Variants in ABCB11 observed in about 807,000 individuals in gnomAD.
ABCB11 encodes bile salt export pump.
Under a neutral mutation model 148.0 loss-of-function variants are expected in ABCB11, and 95 were observed. That is an observed-to-expected ratio of 0.64 (90% CI 0.54 to 0.76). The LOEUF (loss-of-function observed/expected upper bound fraction) is 0.76. Among genes scored for constraint, ABCB11 ranks in the 30% least tolerant of loss-of-function variants. The pLI is 0.00. For synonymous variants in ABCB11, 591 were observed against 555.4 expected, an observed-to-expected ratio of 1.06 and a Z score of -0.90; for missense variants, 1,523 against 1,617.8, an observed-to-expected ratio of 0.94 and a Z score of 1.01.
chr2:168,930,439 TA>T (rs1295636600), intron 25 of ABCB11, among the ~76,000 whole-genome samples: 1 of 152,234 alleles, frequency 6.6e-6, no homozygotes, highest in African/African-American at 2.4e-5. Flanking sequence ...TTTCTTTGCC[TA>T]ACTGGTCAGC....
chr2:168,998,131 T>C (rs1694771098), intron 5 of ABCB11, among the ~76,000 whole-genome samples: 1 of 152,046 alleles, frequency 6.6e-6, no homozygotes, highest in Non-Finnish European at 1.5e-5. Flanking sequence ...GCTAAATATC[T>C]CTGAACAGAG....
At chr2:168,930,269 A>G (rs548675652) in intron 25 of ABCB11, among the ~76,000 whole-genome samples, 1 of 152,108 alleles carries the variant, frequency 6.6e-6, no homozygotes, top group Admixed American at 6.5e-5. Flanking sequence ...TTTCATGCTA[A>G]CTCTCCTTTC....
rs1691169756 is a variant in ABCB11, at chr2:168,923,660, A to C, written c.3928T>G (p.Tyr1310Asp). The part of the protein sequence containing the change: ...HEELMAQKGA[Y>D]YKLVTTGSPI... ...GATCCAGTGGTGACTAGTTTGTAGT[A>C]GGCTCCTTTTTGGGCCATCAGTTCT... The change falls in exon 28 of 28, where the codon TAC (tyrosine) becomes GAC (aspartate). Residue 1310 changes from tyrosine (Y) to aspartate (D), a missense_variant. Coordinates refer to ENST00000650372, the MANE Select transcript of ABCB11 (RefSeq NM_003742.4). The C allele has an allele frequency of 6.2e-7, 1 of 1,613,570 alleles. No individual in the cohort carries two copies. The highest frequency in any genetic ancestry group is 1.3e-5 in the African/African-American group (1 of 74,822).
At chr2:168,936,461 C>T (rs764489425) in intron 21 of ABCB11, 28 bp from the exon 22 acceptor site, 27 of 1,609,030 alleles carry the variant, frequency 1.7e-5, no homozygotes, top group Non-Finnish European at 2.1e-5. Flanking sequence ...ATCAACCCGT[C>T]TCAGACACAC....
intron 21 of ABCB11, among the ~76,000 whole-genome samples, chr2:168,937,403 T>C (rs1194808953): frequency 6.6e-6 from 1 of 152,222 alleles, no homozygotes; most frequent in Non-Finnish European, 1.5e-5. Flanking sequence ...GGTAGTCCCC[T>C]GTTCAAAAAG....
At chr2:169,003,291 T>A (rs1694928454) in intron 5 of ABCB11, among the ~76,000 whole-genome samples, 1 of 151,428 alleles carries the variant, frequency 6.6e-6, no homozygotes, top group South Asian at 2.1e-4. Flanking sequence ...ATTATTGCAT[T>A]CCTTTTTATG....
intron 25 of ABCB11, among the ~76,000 whole-genome samples, chr2:168,930,398 C>T (rs571087585): frequency 6.6e-6 from 1 of 152,338 alleles, no homozygotes; most frequent in South Asian, 2.1e-4. Flanking sequence ...CTATTAAATA[C>T]ACTCATCTCC....
intron 11 of ABCB11, 29 bp downstream of exon 11, chr2:168,979,837 A>C: frequency 7.3e-7 from 1 of 1,376,550 alleles, no homozygotes; most frequent in Non-Finnish European, 1.0e-6. Context: ...CCCACCTGTT[A>C]ATGGCCTTTA....
At chr2:168,925,016 G>A (rs1691241150) in intron 26 of ABCB11, among the ~76,000 whole-genome samples, 1 of 151,898 alleles carries the variant, frequency 6.6e-6, no homozygotes, top group Non-Finnish European at 1.5e-5. Flanking sequence ...GGAAGCAAGG[G>A]GACATTATTC....
intron 1 of ABCB11, among the ~76,000 whole-genome samples, chr2:169,022,278 A>G (rs1695562388): frequency 6.6e-6 from 1 of 152,022 alleles, no homozygotes; most frequent in African/African-American, 2.4e-5. Context: ...AGTAGAAAGG[A>G]TATATCAATT....
chr2:168,940,223 G>A (rs1276473408), intron 21 of ABCB11, among the ~76,000 whole-genome samples: 1 of 152,034 alleles, frequency 6.6e-6, no homozygotes, highest in Non-Finnish European at 1.5e-5. Flanking sequence ...TAGGCTAAAA[G>A]TTAGGCCTCA....
intron 10 of ABCB11, among the ~76,000 whole-genome samples, chr2:168,985,193 T>C (rs948279562): frequency 3.3e-5 from 5 of 152,050 alleles, no homozygotes; most frequent in African/African-American, 9.7e-5. Context: ...AAAACCACAA[T>C]GTGATACCAC....
intron 21 of ABCB11, among the ~76,000 whole-genome samples, chr2:168,940,405 G>A (rs1380691765): frequency 6.6e-6 from 1 of 152,110 alleles, no homozygotes; most frequent in East Asian, 1.9e-4. Context: ...GAATGGTCTG[G>A]AGACAAGATC....
intron 25 of ABCB11, among the ~76,000 whole-genome samples, chr2:168,929,036 C>A (rs1337983549): frequency 2.6e-5 from 4 of 152,136 alleles, no homozygotes; most frequent in Non-Finnish European, 4.4e-5. Flanking sequence ...TAATGTTATA[C>A]TCTTCATAAT....
At chr2:169,023,931 G>A (rs1695612273) in intron 1 of ABCB11, among the ~76,000 whole-genome samples, 1 of 152,140 alleles carries the variant, frequency 6.6e-6, no homozygotes, top group South Asian at 2.1e-4. Flanking sequence ...GTTGGAAGGA[G>A]GTAACTTGGT....
intron 23 of ABCB11, 119 bp downstream of exon 23, chr2:168,935,065 G>A (rs2105896206): frequency 7.3e-7 from 1 of 1,366,074 alleles, no homozygotes; most frequent in South Asian, 1.4e-5. Flanking sequence ...ATTAATCCCA[G>A]CTATTGTAAG....
At chr2:168,974,414 T>C (rs1196258768) in intron 12 of ABCB11, among the ~76,000 whole-genome samples, 3 of 151,622 alleles carry the variant, frequency 2.0e-5, no homozygotes, top group Non-Finnish European at 4.4e-5. Context: ...AATGAGAAGC[T>C]AATTCATAAC....
At chr2:168,964,120 A>G in intron 18 of ABCB11, 86 bp downstream of exon 18, 1 of 940,624 alleles carries the variant, frequency 1.1e-6, no homozygotes, top group Non-Finnish European at 1.7e-6. Context: ...ATACCTAGAA[A>G]ACTCATATTC....
intron 23 of ABCB11, among the ~76,000 whole-genome samples, chr2:168,933,534 G>C (rs1440262306): frequency 6.6e-6 from 1 of 152,188 alleles, no homozygotes; most frequent in East Asian, 1.9e-4. Context: ...GCCTGGGATG[G>C]GGATAGGGAT....
Sources: gnomAD v4.1 joint callset for allele counts (sites outside exome capture counted in the v4.1 genomes callset) on GRCh38, gnomAD v4.1.1 for gene constraint, MANE v1.5 for transcripts, NCBI Gene and HGNC (gene_info 2026-07-23, HGNC 2026-07-21) for gene names.